The following TIMD4 variants were observed in gnomAD, a reference collection of about 807,000 sequenced individuals.
TIMD4 encodes T-cell immunoglobulin and mucin domain-containing protein 4.
Under a neutral mutation model 41.2 loss-of-function variants are expected in TIMD4, and 31 were observed. The observed-to-expected ratio is 0.75, with a 90% CI of 0.57 to 1.01. The LOEUF is 1.01. TIMD4 is among the 50% of genes least tolerant of loss of function. The pLI is 0.00. For missense variants in TIMD4, 479 were observed against 472.5 expected, an observed-to-expected ratio of 1.01 and a Z score of -0.13; for synonymous variants, 204 against 177.1, an observed-to-expected ratio of 1.15 and a Z score of -1.21.
chr5:156,919,535 G>A lies in TIMD4; in HGVS notation c.1059C>T (p.Asp353=), dbSNP rs758380789. 3.1e-6 allele frequency: 5 copies of A among 1,613,712 alleles called. No homozygotes were observed. The highest frequency in any genetic ancestry group is 1.1e-5 in the South Asian group (1 of 91,056). ...TYCSQKHTRL[D]YIGDSKNVLN... is the part of the protein sequence containing the mutation. ...GGACATTTTTACTATCTCCAATGTA[G>A]TCTAGCCTGTAAACAGAAAAGAGGG... Residue 353 remains aspartate, a synonymous_variant, in exon 9 of 9, where the codon GAC becomes GAT. Transcript: ENST00000274532.
intron 5 of TIMD4, chr5:156,935,444 A>T (rs1301150277): frequency 6.6e-6 from 1 of 152,210 alleles, no homozygotes; most frequent in Non-Finnish European, 1.5e-5. Context: ...TATACACTTA[A>T]ATGAATATAT....
intron 5 of TIMD4, among the ~76,000 whole-genome samples, chr5:156,927,292 C>T (rs568443839): frequency 2.6e-5 from 4 of 152,308 alleles, no homozygotes; most frequent in Admixed American, 6.5e-5. Flanking sequence ...GAGTTAAGGT[C>T]GTGTAAGAAT....
At chr5:156,928,827 A>C (rs1029301781) in intron 5 of TIMD4, among the ~76,000 whole-genome samples, 9 of 152,200 alleles carry the variant, frequency 5.9e-5, no homozygotes, top group Admixed American at 2.6e-4. Flanking sequence ...AATTGCAGGT[A>C]AGAATTCAAA....
chr5:156,921,954 G>T (rs1759249509), intron 7 of TIMD4, 145 bp downstream of exon 7: 1 of 617,132 alleles, frequency 1.6e-6, no homozygotes, highest in Admixed American at 3.2e-5. Flanking sequence ...GAACTTACCT[G>T]TTACTTCCCT....
At chr5:156,926,445 T>C in intron 5 of TIMD4, 133 bp from the exon 6 acceptor site, 1 of 838,510 alleles carries the variant, frequency 1.2e-6, no homozygotes, top group Admixed American at 2.5e-5. Context: ...GTGTTTTTTG[T>C]ATAATCTATT....
At chr5:156,945,945 C>T (rs556382905) in intron 5 of TIMD4, among the ~76,000 whole-genome samples, 52 of 152,250 alleles carry the variant, frequency 3.4e-4, no homozygotes, top group African/African-American at 1.3e-3. Context: ...GCGCAATAAA[C>T]CCTGCTTTTC....
intron 7 of TIMD4, among the ~76,000 whole-genome samples, chr5:156,921,630 A>AG (rs1561542986): frequency 6.7e-6 from 1 of 150,034 alleles, no homozygotes; most frequent in East Asian, 1.9e-4. Context: ...AAAAAAAAAA[A>AG]AAAAAAAAAA....
chr5:156,954,436 C>T lies in TIMD4; in HGVS notation c.379G>A (p.Val127Met), dbSNP rs775366250. ...TTACCTCTCTGTAGATTCAGGCGCA[C>T]GTTTATCTTTACATCGTTGAACCAG... Reference protein sequence around the residue: ...PGWFNDVKINVRLNLQRASTT... With the variant: ...PGWFNDVKINMRLNLQRASTT... The change falls in exon 2 of 9, where the codon GTG (valine) becomes ATG (methionine). Residue 127 changes from valine (V) to methionine (M), a missense_variant. Coordinates refer to ENST00000274532, the MANE Select transcript of TIMD4 (RefSeq NM_138379.3). 7.4e-6 allele frequency: 12 copies of T among 1,613,778 alleles called. No homozygotes were observed. In the East Asian group the frequency reaches 1.6e-4, roughly 21 times the overall value.
chr5:156,937,749 A>G (rs1436580409), intron 5 of TIMD4, among the ~76,000 whole-genome samples: 2 of 152,324 alleles, frequency 1.3e-5, no homozygotes, highest in East Asian at 3.9e-4. Context: ...TTAATAAAAA[A>G]TTGTACAGTT....
At chr5:156,951,865 A>G (rs769998980) in intron 2 of TIMD4, 75 bp from the exon 3 acceptor site, 148 of 1,581,302 alleles carry the variant, frequency 9.4e-5, no homozygotes, top group Non-Finnish European at 1.2e-4. Context: ...TATATCTGGG[A>G]CCCATCCATT....
In TIMD4 at chr5:156,922,209, C is replaced by G. The variant is rs775571625; in HGVS notation, c.902G>C (p.Gly301Ala). The change falls in exon 7 of 9, where the codon GGA becomes GCA. Residue 301 changes from glycine to alanine, a missense_variant. Transcript: ENST00000274532. ...TTCATTCTTCATTGACATGGGTATT[C>G]CATCCATCTGATGGGACACAGGCAA... is the stretch of plus-strand genomic sequence containing the variant. ...NKTTKTGQMD[G>A]IPMSMKNEMP... 1.2e-6 allele frequency: 2 copies of G among 1,613,246 alleles called. No individual in the cohort carries two copies. The highest frequency in any genetic ancestry group is 1.7e-5 in the Admixed American group (1 of 59,974).
At chr5:156,958,870 A>T (rs1425053593) in intron 1 of TIMD4, among the ~76,000 whole-genome samples, 1 of 152,220 alleles carries the variant, frequency 6.6e-6, no homozygotes, top group Non-Finnish European at 1.5e-5. Flanking sequence ...TTAGAGATAG[A>T]TCTGAGTGAA....
At chr5:156,949,537 G>A in intron 4 of TIMD4, 114 bp downstream of exon 4, 2 of 847,772 alleles carry the variant, frequency 2.4e-6, no homozygotes, top group Non-Finnish European at 3.8e-6. Flanking sequence ...GGGATTTTAT[G>A]GCACAAAAGA....
At chr5:156,954,070 T>G (rs1284989220) in intron 2 of TIMD4, among the ~76,000 whole-genome samples, 2 of 152,196 alleles carry the variant, frequency 1.3e-5, no homozygotes, top group Non-Finnish European at 2.9e-5. Flanking sequence ...TTTTATTATT[T>G]TGAAATCTGG....
chr5:156,936,374 A>C (rs1388922623), intron 5 of TIMD4, among the ~76,000 whole-genome samples: 1 of 152,238 alleles, frequency 6.6e-6, no homozygotes, highest in Non-Finnish European at 1.5e-5. Context: ...CACTTACTGC[A>C]TGCCAAGTAC....
At chr5:156,922,731 C>A (rs1759266964) in intron 6 of TIMD4, among the ~76,000 whole-genome samples, 1 of 152,200 alleles carries the variant, frequency 6.6e-6, no homozygotes, top group Admixed American at 6.5e-5. Context: ...TTCCCAGAGG[C>A]TATGTGATGT....
At chr5:156,948,529 A>G in intron 4 of TIMD4, 30 bp from the exon 5 acceptor site, 1 of 1,467,194 alleles carries the variant, frequency 6.8e-7, no homozygotes. Context: ...AACAGAAAAC[A>G]GACTTAGGTA....
intron 5 of TIMD4, among the ~76,000 whole-genome samples, chr5:156,937,422 T>C (rs910276301): frequency 6.6e-6 from 1 of 152,226 alleles, no homozygotes; most frequent in Non-Finnish European, 1.5e-5. Flanking sequence ...TGAGGTTTAC[T>C]CTTTTATTCT....
intron 5 of TIMD4, chr5:156,935,487 A>G (rs1759523349): frequency 6.6e-6 from 1 of 152,090 alleles, no homozygotes; most frequent in Non-Finnish European, 1.5e-5. Flanking sequence ...AGAGCATTAC[A>G]TACATCAGTC....
Sources: gnomAD v4.1 joint callset for allele counts (sites outside exome capture counted in the v4.1 genomes callset) on GRCh38, gnomAD v4.1.1 for gene constraint, MANE v1.5 for transcripts, NCBI Gene and HGNC (gene_info 2026-07-23, HGNC 2026-07-21) for gene names.